MAPK10: variants seen among roughly 807,000 people sequenced by gnomAD.
The protein encoded by MAPK10 is mitogen-activated protein kinase 10.
A neutral mutation model predicts 59.3 loss-of-function variants in MAPK10; 25 were observed. The ratio of observed to expected loss-of-function variants is 0.42; its 90% CI spans 0.31 to 0.59. The LOEUF (loss-of-function observed/expected upper bound fraction) is 0.59, where lower values mean the gene tolerates loss of function less well. MAPK10 is among the 20% of genes least tolerant of loss of function. The probability of loss-of-function intolerance (pLI) is 0.15; values close to 1 mark genes in which losing one functional copy is unlikely to be tolerated. For missense variants in MAPK10, 351 were observed against 568.9 expected, an observed-to-expected ratio of 0.62 and a Z score of 3.90; for synonymous variants, 190 against 200.5, an observed-to-expected ratio of 0.95 and a Z score of 0.44.
At chr4:86,363,274 G>A (rs902865050), upstream of MAPK10, among the ~76,000 whole-genome samples, 1 of 152,094 alleles carries the variant, frequency 6.6e-6, no homozygotes, top group Admixed American at 6.5e-5. Context: ...TAAAATAATA[G>A]GAGGATGGAA....
intron 2 of MAPK10, among the ~76,000 whole-genome samples, chr4:86,241,099 T>C (rs1043790973): frequency 6.6e-6 from 1 of 152,174 alleles, no homozygotes; most frequent in African/African-American, 2.4e-5. Context: ...ATATGAAGCT[T>C]AGTTTGGCTG....
rs755777632 is a variant in MAPK10, at chr4:86,101,955, T to A, written c.503A>T (p.Tyr168Phe). The A allele has an allele frequency of 1.2e-6, 2 of 1,614,040 alleles. No homozygotes were observed. The highest frequency in any genetic ancestry group is 1.7e-6 in the Non-Finnish European group (2 of 1,179,924). ...QMELDHERMS[Y>F]LLYQMLCGIK... ...GCCACACAACATTTGGTACAGCAGG[T>A]AAGACATTCGCTCATGGTCTAATTC... Residue 168 changes from tyrosine to phenylalanine, a missense_variant, in exon 7 of 14, where the codon TAC becomes TTC. Transcript: ENST00000641462.
upstream of MAPK10, chr4:86,360,216 C>T (rs1341141523): frequency 6.1e-6 from 6 of 985,696 alleles, no homozygotes; most frequent in East Asian, 1.1e-4. Flanking sequence ...CTGTGTTTTC[C>T]GGTGAAATGA....
At chr4:86,584,141 G>A (rs553489682) in intron 1 of MAPK10, among the ~76,000 whole-genome samples, 1 of 152,272 alleles carries the variant, frequency 6.6e-6, no homozygotes, top group Non-Finnish European at 1.5e-5. Context: ...AACTGGTGCT[G>A]CTTCAAGAAC....
In MAPK10 at chr4:86,579,513, G is replaced by GTA. The variant is rs1288988670; in HGVS notation, c.-263+14395_-263+14396dup. Among the ~76,000 whole-genome samples, 25 of 92,858 alleles carry GTA rather than the reference G, an allele frequency of 2.7e-4. No homozygotes were observed. The East Asian group carries it at 3.0e-3, about 11-fold the overall frequency. 60.9% of individuals were successfully genotyped at this position (92,858 alleles called of 152,430 possible). A position where few individuals can be genotyped will look rare whatever the true frequency, so the allele number is the denominator to read the frequency against. ...TAAATACAAGCAAATATGGATATGT[G>GTA]TATACACACACACACACACACACAC... On this transcript the variant is annotated intron_variant, in intron 1 of 4. Coordinates refer to the MAPK10 transcript ENST00000502302.
chr4:86,454,031 G>C (rs1488224915), upstream of MAPK10, among the ~76,000 whole-genome samples: 1 of 152,120 alleles, frequency 6.6e-6, no homozygotes, highest in Non-Finnish European at 1.5e-5. Flanking sequence ...ACTACAGCTC[G>C]GCTTTCAGGA....
intron 1 of MAPK10, among the ~76,000 whole-genome samples, chr4:86,530,329 G>A (rs949985989): frequency 1.3e-5 from 2 of 152,150 alleles, no homozygotes; most frequent in Non-Finnish European, 2.9e-5. Flanking sequence ...ACTTAGAATA[G>A]TGCCTAGCTC....
chr4:86,393,790 A>G (rs1422201576), intron 1 of MAPK10, among the ~76,000 whole-genome samples: 1 of 152,164 alleles, frequency 6.6e-6, no homozygotes, highest in East Asian at 1.9e-4. Context: ...AACAATAGAG[A>G]CCTGACTTGA....
chr4:86,458,823 G>T (rs1751468050), intron 1 of MAPK10, among the ~76,000 whole-genome samples: 1 of 152,128 alleles, frequency 6.6e-6, no homozygotes, highest in Non-Finnish European at 1.5e-5. Flanking sequence ...CTAGAAGATG[G>T]CTTTGGAAAA....
intron 1 of MAPK10, among the ~76,000 whole-genome samples, chr4:86,389,284 C>T (rs925003179): frequency 2.4e-4 from 37 of 152,220 alleles, no homozygotes; most frequent in African/African-American, 8.4e-4. Flanking sequence ...CCATGCTGCC[C>T]GTACAGCCTG....
At chr4:86,123,861 G>A (rs1442468950) in intron 4 of MAPK10, 1 of 151,968 alleles carries the variant, frequency 6.6e-6, no homozygotes, top group Non-Finnish European at 1.5e-5. Flanking sequence ...AGTTGTTAAT[G>A]TGCTGCCTCT....
At chr4:86,437,869 A>G (rs187726441) in intron 1 of MAPK10, among the ~76,000 whole-genome samples, 263 of 152,332 alleles carry the variant, frequency 1.7e-3, no homozygotes, top group Middle Eastern at 6.8e-3. Context: ...AAATGCATAA[A>G]TAAACTGTAC....
At chr4:86,077,122 C>A (rs1429856702) in intron 9 of MAPK10, among the ~76,000 whole-genome samples, 1 of 151,914 alleles carries the variant, frequency 6.6e-6, no homozygotes, top group African/African-American at 2.4e-5. Flanking sequence ...GTAAGAAGTT[C>A]AATTTTATAA....
intron 4 of MAPK10, among the ~76,000 whole-genome samples, chr4:86,127,860 C>T (rs2060315565): frequency 6.6e-6 from 1 of 151,850 alleles, no homozygotes; most frequent in South Asian, 2.1e-4. Flanking sequence ...CTAAACTTAC[C>T]CTCACATTGA....
chr4:86,549,266 T>C (rs1218976205), intron 1 of MAPK10, among the ~76,000 whole-genome samples: 1 of 152,206 alleles, frequency 6.6e-6, no homozygotes, highest in Non-Finnish European at 1.5e-5. Flanking sequence ...TCCAAATGCA[T>C]TGTTAAGACA....
At chr4:86,283,727 A>G (rs1172492251) in intron 2 of MAPK10, among the ~76,000 whole-genome samples, 1 of 152,216 alleles carries the variant, frequency 6.6e-6, no homozygotes, top group Admixed American at 6.5e-5. Flanking sequence ...AAGTGTATTC[A>G]TGATGCTTTG....
At chr4:86,069,533 C>T (rs748525657) in intron 9 of MAPK10, among the ~76,000 whole-genome samples, 2 of 152,028 alleles carry the variant, frequency 1.3e-5, no homozygotes, top group Non-Finnish European at 2.9e-5. Flanking sequence ...TTACAAATTA[C>T]TCTTAGACAT....
intron 2 of MAPK10, among the ~76,000 whole-genome samples, chr4:86,201,453 T>C (rs2082600785): frequency 6.6e-6 from 1 of 151,888 alleles, no homozygotes; most frequent in Non-Finnish European, 1.5e-5. Context: ...AATTTTTATA[T>C]GTTATTGGCC....
chr4:86,311,069 T>C (rs73834277), intron 2 of MAPK10, among the ~76,000 whole-genome samples: 12,146 of 114,814 alleles, frequency 0.11, 553 homozygotes, highest in Non-Finnish European at 0.12. Flanking sequence ...CACACACACA[T>C]ACATGCACCC....
Sources: allele counts gnomAD v4.1 joint callset (sites outside exome capture counted in the v4.1 genomes callset), GRCh38; gene constraint gnomAD v4.1.1; transcripts MANE v1.5; gene names NCBI Gene and HGNC (gene_info 2026-07-23, HGNC 2026-07-21).